Variants in ANGPT2 observed in about 807,000 individuals in gnomAD.
ANGPT2 encodes angiopoietin-2.
A neutral mutation model predicts 62.9 loss-of-function variants in ANGPT2; 28 were observed. That is an observed-to-expected ratio of 0.44 (90% CI 0.33 to 0.61). The LOEUF (loss-of-function observed/expected upper bound fraction) is 0.61. Among genes scored for constraint, ANGPT2 ranks in the 20% least tolerant of loss-of-function variants. The pLI, the probability that ANGPT2 is intolerant of heterozygous loss-of-function variation, is 0.03. For synonymous variants in ANGPT2, 284 were observed against 207.8 expected, an observed-to-expected ratio of 1.37 and a Z score of -3.15; for missense variants, 727 against 594.9, an observed-to-expected ratio of 1.22 and a Z score of -2.31.
chr8:6,529,997 A>T lies in ANGPT2; in HGVS notation c.445-2321T>A, dbSNP rs57754223. Among the ~76,000 whole-genome samples, 732 of 151,830 alleles carry T rather than the reference A, an allele frequency of 4.8e-3. 5 individuals carry two copies. Among genetic ancestry groups the T allele is most frequent in the African/African-American group, 0.016 (645 of 41,424 alleles). ...TGCTCTGTCCTAACACTTTTTCATT[A>T]CTATTATTATTTTTTATTTTTTTAA... On this transcript the variant is annotated intron_variant, in intron 2 of 8. Coordinates refer to ENST00000629816, the MANE Select transcript of ANGPT2 (RefSeq NM_001118887.2).
At chr8:6,558,811 A>G (rs544947762) in intron 1 of ANGPT2, among the ~76,000 whole-genome samples, 2 of 152,330 alleles carry the variant, frequency 1.3e-5, no homozygotes, top group Admixed American at 1.3e-4. Flanking sequence ...TAGAAAACAT[A>G]TGATATATGT....
intron 3 of ANGPT2, among the ~76,000 whole-genome samples, chr8:6,522,691 T>C (rs1488969457): frequency 6.7e-6 from 1 of 150,072 alleles, no homozygotes; most frequent in Non-Finnish European, 1.5e-5. Flanking sequence ...GGAGAACTGC[T>C]TGAACCCGGG....
chr8:6,543,436 G>A (rs554476087), intron 1 of ANGPT2, among the ~76,000 whole-genome samples: 72 of 152,234 alleles, frequency 4.7e-4, no homozygotes, highest in Non-Finnish European at 5.7e-4. Flanking sequence ...ACACATTTCC[G>A]TGCTCTGCAG....
At chr8:6,505,441 T>G (rs1458704992) in intron 8 of ANGPT2, among the ~76,000 whole-genome samples, 1 of 82,138 alleles carries the variant, frequency 1.2e-5, no homozygotes, top group Non-Finnish European at 2.5e-5. Flanking sequence ...TATATATTCT[T>G]TATATACATA....
intron 3 of ANGPT2, among the ~76,000 whole-genome samples, chr8:6,523,564 T>G (rs1390634399): frequency 2.6e-5 from 4 of 152,072 alleles, no homozygotes; most frequent in African/African-American, 9.6e-5. Flanking sequence ...ACATGCACAG[T>G]CAAGGTATTT....
At chr8:6,508,543 T>C (rs1452204463) in intron 8 of ANGPT2, 2 of 291,438 alleles carry the variant, frequency 6.9e-6, no homozygotes, top group South Asian at 1.3e-4. Flanking sequence ...GTTGGAAATA[T>C]TTCTATAATC....
Position 6,520,128 on chromosome 8 carries a change from A to G in ANGPT2, c.800-137T>C, listed in dbSNP as rs1022147371. On this transcript the variant is annotated intron_variant, in intron 4 of 8. Transcript: ENST00000629816. ...AGCAAAAGGCTGTACCACTTTTTTA[A>G]CCTTTCTAGAAAGTTTCCTTTCAGC... is the stretch of plus-strand genomic sequence containing the variant. 3 of 942,436 alleles carry G rather than the reference A, an allele frequency of 3.2e-6. No homozygotes were observed. The Admixed American group carries it at 8.8e-5, about 28-fold the overall frequency. The allele number at this position is 942,436 out of a possible 1,614,324, so 58.4% of individuals were successfully genotyped here. A position where few individuals can be genotyped will look rare whatever the true frequency, so the allele number is the denominator to read the frequency against.
intron 4 of ANGPT2, among the ~76,000 whole-genome samples, chr8:6,520,206 T>G (rs1395209197): frequency 2.0e-5 from 3 of 152,240 alleles, no homozygotes; most frequent in African/African-American, 7.2e-5. Flanking sequence ...GGTCATTAAT[T>G]CCATGTAATT....
At position 6,532,365 on chromosome 8, in the gene ANGPT2, C is replaced by A. The variant is rs1460353319; in HGVS notation, c.411G>T (p.Glu137Asp). 1.9e-6 allele frequency: 3 copies of A among 1,614,006 alleles called. No homozygotes were observed. The highest frequency in any genetic ancestry group is 2.5e-6 in the Non-Finnish European group (3 of 1,180,030). ...IGTNLLNQTA[E>D]QTRKLTDVEA... ...CCACATCAGTTAACTTCCGCGTTTGCTCCGCTGTTTGGTTCAACAGGTTTG... is the reference window on the plus strand; with the variant it reads ...CCACATCAGTTAACTTCCGCGTTTGATCCGCTGTTTGGTTCAACAGGTTTG... The change falls in exon 2 of 9, where the codon GAG (glutamate) becomes GAT (aspartate). Residue 137 changes from glutamate to aspartate, a missense_variant. Coordinates refer to ENST00000629816, the MANE Select transcript of ANGPT2 (RefSeq NM_001118887.2).
At chr8:6,557,890 C>T (rs1314166529) in intron 1 of ANGPT2, among the ~76,000 whole-genome samples, 1 of 152,154 alleles carries the variant, frequency 6.6e-6, no homozygotes, top group Non-Finnish European at 1.5e-5. Context: ...CCAGGCCCTG[C>T]TGTCATTTTG....
chr8:6,561,866 GATC>G (rs990765589), intron 1 of ANGPT2, among the ~76,000 whole-genome samples: 2 of 152,168 alleles, frequency 1.3e-5, no homozygotes, highest in African/African-American at 4.8e-5. Context: ...GAAACAGTGG[GATC>G]ATCTGTGAAA....
chr8:6,516,321 G>A (rs1816262809), intron 5 of ANGPT2, among the ~76,000 whole-genome samples: 1 of 152,166 alleles, frequency 6.6e-6, no homozygotes, highest in Admixed American at 6.5e-5. Context: ...CAACTCTGCT[G>A]TAGTATCATA....
At chr8:6,516,590 G>T (rs1390838988) in intron 5 of ANGPT2, among the ~76,000 whole-genome samples, 1 of 152,202 alleles carries the variant, frequency 6.6e-6, no homozygotes, top group Non-Finnish European at 1.5e-5. Context: ...AAAATGGTCA[G>T]TGCTGCTCAC....
chr8:6,519,815 G>A lies in ANGPT2; in HGVS notation c.927+49C>T, dbSNP rs376681192. ...GCTCTCTGGTTCCTCACTCACTAAAGTGGCCTGCCTAGAGCCAGGGAGTTA... is the reference window on the plus strand; with the variant it reads ...GCTCTCTGGTTCCTCACTCACTAAAATGGCCTGCCTAGAGCCAGGGAGTTA... On this transcript the variant is annotated intron_variant, in intron 5 of 8. Transcript: ENST00000629816. 15 of 1,599,762 alleles carry A rather than the reference G, an allele frequency of 9.4e-6. No homozygotes were observed. The African/African-American group carries it at 1.9e-4, about 20-fold the overall frequency.
chr8:6,511,418 G>A (rs764168806), intron 7 of ANGPT2, among the ~76,000 whole-genome samples: 1 of 152,096 alleles, frequency 6.6e-6, no homozygotes, highest in Non-Finnish European at 1.5e-5. Context: ...TGTGAAAAGT[G>A]ATGAATTTTT....
At chr8:6,513,878 T>C in intron 6 of ANGPT2, 34 bp from the exon 7 acceptor site, 3 of 1,569,486 alleles carry the variant, frequency 1.9e-6, no homozygotes, top group Non-Finnish European at 2.6e-6. Flanking sequence ...AATTATTTCA[T>C]GTAATTTTTT....
At chr8:6,503,652 T>G (rs571177978) in intron 8 of ANGPT2, among the ~76,000 whole-genome samples, 22 of 152,356 alleles carry the variant, frequency 1.4e-4, no homozygotes, top group Non-Finnish European at 1.3e-4. Context: ...CATGGTGGGC[T>G]GGACTCGCTC....
Position 6,509,135 on chromosome 8 carries a change from T to TGAA in ANGPT2, c.1197-76_1197-74dup. 3 of 1,554,620 alleles carry TGAA rather than the reference T, an allele frequency of 1.9e-6. No homozygotes were observed. In the South Asian group the frequency reaches 3.6e-5, roughly 19 times the overall value. Reference sequence around the variant, plus strand: ...TACCGTAGTGGCAAATTTTTTGTGATGAAGAATTCCATTCTACAGAAGCGT... The same window carrying TGAA: ...TACCGTAGTGGCAAATTTTTTGTGATGAAGAAGAATTCCATTCTACAGAAGCGT... On this transcript the variant is annotated intron_variant, in intron 7 of 8. Transcript: ENST00000629816.
At chr8:6,523,945 A>G (rs985446555) in intron 3 of ANGPT2, among the ~76,000 whole-genome samples, 1 of 151,278 alleles carries the variant, frequency 6.6e-6, no homozygotes, top group Non-Finnish European at 1.5e-5. Context: ...CTGACACTAC[A>G]TTATTCAGCA....
Sources: gnomAD v4.1 joint callset for allele counts (sites outside exome capture counted in the v4.1 genomes callset) on GRCh38, gnomAD v4.1.1 for gene constraint, MANE v1.5 for transcripts, NCBI Gene and HGNC (gene_info 2026-07-23, HGNC 2026-07-21) for gene names.